The following B3GALT1 variants were observed in gnomAD, a reference collection of about 807,000 sequenced individuals.
B3GALT1 encodes UDP-Gal:betaGlcNAc beta 1,3-galactosyltransferase, polypeptide 1.
A neutral mutation model predicts 23.2 loss-of-function variants in B3GALT1; 10 were observed. That is an observed-to-expected ratio of 0.43 (90% CI 0.27 to 0.73). The LOEUF is 0.73. Ranked by LOEUF, B3GALT1 falls within the 30% of genes least tolerant of loss-of-function variation. The probability of loss-of-function intolerance (pLI) is 0.21; values close to 1 mark genes in which losing one functional copy is unlikely to be tolerated. For missense variants in B3GALT1, 299 were observed against 405.4 expected (o/e 0.74, Z 2.25); for synonymous variants, 156 against 141.5 (o/e 1.10, Z -0.73).
chr2:167,695,935 T>C (rs988486985), intron 3 of B3GALT1, among the ~76,000 whole-genome samples: 1 of 152,132 alleles, frequency 6.6e-6, no homozygotes, highest in Non-Finnish European at 1.5e-5. Flanking sequence ...TTGTATACTG[T>C]CTGTTGTGTA....
At chr2:167,304,535 G>T (rs759691789) in intron 1 of B3GALT1, among the ~76,000 whole-genome samples, 8 of 152,098 alleles carry the variant, frequency 5.3e-5, no homozygotes, top group African/African-American at 1.9e-4. Context: ...TTAAAATTCT[G>T]TTCCTCTAGA....
chr2:167,664,946 C>T (rs1444613241), intron 3 of B3GALT1, among the ~76,000 whole-genome samples: 16 of 150,368 alleles, frequency 1.1e-4, no homozygotes, highest in South Asian at 8.5e-4. Context: ...TAATTGAATA[C>T]CCTTTATTTC....
rs554787729 is a variant in B3GALT1, at chr2:167,456,764, G to A, written c.-510-33413G>A. 2.3e-4 allele frequency among the ~76,000 whole-genome samples: 35 copies of A among 152,240 alleles called. No individual in the cohort carries two copies. The South Asian group carries it at 6.2e-3, about 27-fold the overall frequency. ...TAAAAGACATTCATTAGGGATATGGGTGGGGGGCATGTGGAGCTTCTGTGC... is the reference window on the plus strand; with the variant it reads ...TAAAAGACATTCATTAGGGATATGGATGGGGGGCATGTGGAGCTTCTGTGC... On this transcript the variant is annotated intron_variant, in intron 1 of 4. Coordinates refer to ENST00000392690, the MANE Select transcript of B3GALT1 (RefSeq NM_020981.4).
At chr2:167,730,453 T>A (rs142491438) in intron 3 of B3GALT1, among the ~76,000 whole-genome samples, 13 of 152,324 alleles carry the variant, frequency 8.5e-5, no homozygotes, top group African/African-American at 2.9e-4. Context: ...CTTTACAGTT[T>A]ACAAAATACT....
chr2:167,355,539 T>G (rs1291503317), intron 1 of B3GALT1, among the ~76,000 whole-genome samples: 2 of 152,176 alleles, frequency 1.3e-5, no homozygotes, highest in African/African-American at 4.8e-5. Context: ...TTAAGGAATC[T>G]GAACTATCTA....
chr2:167,569,022 T>C lies in B3GALT1; in HGVS notation c.-409-77887T>C, dbSNP rs370278365. On this transcript the variant is annotated intron_variant, in intron 2 of 4. Coordinates refer to ENST00000392690, the MANE Select transcript of B3GALT1 (RefSeq NM_020981.4). Reference sequence around the variant, plus strand: ...ATTTTCATCGTTCCTTTTTCAAAGATCCATTGACCATATTTATGTGGGCTT... The same window carrying C: ...ATTTTCATCGTTCCTTTTTCAAAGACCCATTGACCATATTTATGTGGGCTT... Among the ~76,000 whole-genome samples, 8 of 152,036 alleles carry C rather than the reference T, an allele frequency of 5.3e-5. No homozygotes were observed. The East Asian group carries it at 7.7e-4, about 15-fold the overall frequency.
At chr2:167,406,366 T>A (rs1298680921) in intron 1 of B3GALT1, among the ~76,000 whole-genome samples, 1 of 151,870 alleles carries the variant, frequency 6.6e-6, no homozygotes, top group Non-Finnish European at 1.5e-5. Flanking sequence ...GCACCAGAAT[T>A]TTTCACCAGC....
chr2:167,684,852 G>T (rs1256666678), intron 3 of B3GALT1, among the ~76,000 whole-genome samples: 1 of 152,206 alleles, frequency 6.6e-6, no homozygotes, highest in Non-Finnish European at 1.5e-5. Flanking sequence ...CATGTTGAAG[G>T]ATCAGCTAAC....
chr2:167,484,395 G>A (rs1045331772), intron 1 of B3GALT1, among the ~76,000 whole-genome samples: 6 of 152,170 alleles, frequency 3.9e-5, no homozygotes, highest in African/African-American at 7.2e-5. Flanking sequence ...TACTGAGAAC[G>A]TGTGCCCAAG....
intron 2 of B3GALT1, among the ~76,000 whole-genome samples, chr2:167,557,874 A>G (rs1683881813): frequency 6.6e-6 from 1 of 152,230 alleles, no homozygotes. Flanking sequence ...TCACTTATAT[A>G]GTAGTTTTAT....
intron 2 of B3GALT1, among the ~76,000 whole-genome samples, chr2:167,639,498 G>A (rs1685616258): frequency 6.6e-6 from 1 of 151,896 alleles, no homozygotes; most frequent in Admixed American, 6.6e-5. Flanking sequence ...ATTCTTTTGG[G>A]TAACTCCTTC....
rs139615534 is a variant in B3GALT1, at chr2:167,424,176, G to A, written c.-510-66001G>A. ...ATGTTTTCATTCCAGTAGTACACAT[G>A]CCATAAGTGAAAGGCTCTTGAAAGG... On this transcript the variant is annotated intron_variant, in intron 1 of 4. Coordinates refer to ENST00000392690, the MANE Select transcript of B3GALT1 (RefSeq NM_020981.4). 1.3e-3 allele frequency among the ~76,000 whole-genome samples: 191 copies of A among 152,196 alleles called. 2 individuals carry two copies. The highest frequency in any genetic ancestry group is 4.4e-3 in the African/African-American group (183 of 41,530).
chr2:167,338,045 T>C (rs935868865), intron 1 of B3GALT1, among the ~76,000 whole-genome samples: 1 of 152,170 alleles, frequency 6.6e-6, no homozygotes, highest in African/African-American at 2.4e-5. Flanking sequence ...AAAGAAACAC[T>C]GAATATTATA....
chr2:167,535,655 C>G (rs1683403691), intron 2 of B3GALT1, among the ~76,000 whole-genome samples: 1 of 151,510 alleles, frequency 6.6e-6, no homozygotes, highest in Non-Finnish European at 1.5e-5. Flanking sequence ...AACAGATGCT[C>G]TGTTAATTCC....
chr2:167,365,447 T>A (rs1356382669), intron 1 of B3GALT1, among the ~76,000 whole-genome samples: 1 of 152,164 alleles, frequency 6.6e-6, no homozygotes, highest in Non-Finnish European at 1.5e-5. Flanking sequence ...CTAGCATATC[T>A]GTTCTTGTTG....
chr2:167,303,644 TAC>T (rs61323885), intron 1 of B3GALT1, among the ~76,000 whole-genome samples: 45,640 of 144,732 alleles, frequency 0.32, 7,175 homozygotes, highest in South Asian at 0.4. Context: ...AACACACACA[TAC>T]ACACACACAC....
At chr2:167,641,747 G>A (rs190785272) in intron 2 of B3GALT1, among the ~76,000 whole-genome samples, 5 of 152,198 alleles carry the variant, frequency 3.3e-5, no homozygotes, top group Non-Finnish European at 2.9e-5. Flanking sequence ...TCTCTTGTCA[G>A]CCCTGCAAAT....
intron 2 of B3GALT1, among the ~76,000 whole-genome samples, chr2:167,637,205 C>T (rs1166329774): frequency 6.6e-6 from 1 of 151,872 alleles, no homozygotes; most frequent in Non-Finnish European, 1.5e-5. Flanking sequence ...TTGTGGTGCA[C>T]GTATGTGGTG....
intron 2 of B3GALT1, among the ~76,000 whole-genome samples, chr2:167,588,817 TTTTCCTTCCTTCCTTCCTTCCTTCCTTC>T (rs1426222815): frequency 5.6e-5 from 8 of 141,856 alleles, no homozygotes; most frequent in East Asian, 2.0e-4. Context: ...TAACCATTCT[TTTTCCTTCCTTCCTTCCTTCCTTCCTTC>T]TTTCCTTCCT....
Sources: gnomAD v4.1 joint callset for allele counts (sites outside exome capture counted in the v4.1 genomes callset) on GRCh38, gnomAD v4.1.1 for gene constraint, MANE v1.5 for transcripts, NCBI Gene and HGNC (gene_info 2026-07-23, HGNC 2026-07-21) for gene names.